CFAP263: variants seen among roughly 807,000 people sequenced by gnomAD.
The protein encoded by CFAP263 is cilia- and flagella-associated protein 263.
chr16:58,282,346 G>T, the CFAP263 span: 1 of 152,294 alleles, frequency 6.6e-6, no homozygotes, highest in South Asian at 2.1e-4. Context: ...TCACGATGTT[G>T]GCCAGGCTGG....
chr16:58,267,404 CAA>C, the CFAP263 span: 8 of 1,010,468 alleles, frequency 7.9e-6, no homozygotes, highest in Non-Finnish European at 1.2e-5. Context: ...TGTTCGTTAA[CAA>C]AGAGATGTCT....
At chr16:58,256,642 A>G in the CFAP263 span, among the ~76,000 whole-genome samples, 9 of 152,292 alleles carry the variant, frequency 5.9e-5, no homozygotes, top group South Asian at 1.7e-3. Flanking sequence ...CCCACTGAGG[A>G]TACTTGAGTA....
chr16:58,250,781 A>AT, the CFAP263 span, among the ~76,000 whole-genome samples: 3 of 151,488 alleles, frequency 2.0e-5, no homozygotes, highest in East Asian at 5.8e-4. Context: ...AAAAAAAAAA[A>AT]AAATTATATG....
chr16:58,273,133 A>G, the CFAP263 span, among the ~76,000 whole-genome samples: 1 of 151,916 alleles, frequency 6.6e-6, no homozygotes. Flanking sequence ...GCCATTTAAC[A>G]TTTTGAATAT....
At chr16:58,250,385 C>G in the CFAP263 span, 1 of 386,064 alleles carries the variant, frequency 2.6e-6, no homozygotes, top group Non-Finnish European at 4.7e-6. Context: ...GAGTCTCTCT[C>G]ATGCCAGACG....
chr16:58,262,389 A>G, the CFAP263 span: 1 of 1,607,830 alleles, frequency 6.2e-7, no homozygotes, highest in Non-Finnish European at 8.5e-7. Context: ...CTGTAGAAGG[A>G]AGAGGTGAGT....
the CFAP263 span, among the ~76,000 whole-genome samples, chr16:58,253,146 G>A: frequency 1.8e-4 from 27 of 152,318 alleles, no homozygotes; most frequent in East Asian, 2.3e-3. Context: ...GGGAGGCTAA[G>A]GTGGGAGGAT....
At chr16:58,262,355 C>T in the CFAP263 span, 1 of 1,581,706 alleles carries the variant, frequency 6.3e-7, no homozygotes, top group Non-Finnish European at 8.6e-7. Flanking sequence ...ACTGACGTAT[C>T]ATCTTTTCTT....
the CFAP263 span, among the ~76,000 whole-genome samples, chr16:58,260,321 G>A: frequency 7.0e-4 from 106 of 152,264 alleles, no homozygotes; most frequent in African/African-American, 2.4e-3. Flanking sequence ...TAGAGCCTTG[G>A]GAAGAAATGC....
At chr16:58,261,574 GAGCTAA>G in the CFAP263 span, among the ~76,000 whole-genome samples, 7 of 152,226 alleles carry the variant, frequency 4.6e-5, no homozygotes, top group East Asian at 1.3e-3. Flanking sequence ...AAGGACCACA[GAGCTAA>G]AGCTTCCAGG....
the CFAP263 span, chr16:58,262,366 T>C: frequency 3.2e-6 from 5 of 1,586,452 alleles, no homozygotes; most frequent in Non-Finnish European, 4.3e-6. Context: ...ATCTTTTCTT[T>C]CATCTTTCTG....
chr16:58,257,014 C>CTTTTTTTTTTTTTTTTTT, the CFAP263 span, among the ~76,000 whole-genome samples: 15 of 41,920 alleles, frequency 3.6e-4, 5 homozygotes, highest in African/African-American at 4.8e-4. Flanking sequence ...ATATGAATTT[C>CTTTTTTTTTTTTTTTTTT]TTTTTTTTTT....
At chr16:58,266,037 CT>C in the CFAP263 span, among the ~76,000 whole-genome samples, 1 of 152,194 alleles carries the variant, frequency 6.6e-6, no homozygotes, top group African/African-American at 2.4e-5. Flanking sequence ...GTCTCATTCA[CT>C]TTTGCTTTCC....
At chr16:58,280,120 G>T in the CFAP263 span, 1 of 1,179,302 alleles carries the variant, frequency 8.5e-7, no homozygotes. Flanking sequence ...ATCCGTGGCA[G>T]CCCCAGTGTG....
At chr16:58,266,575 T>C in the CFAP263 span, among the ~76,000 whole-genome samples, 4 of 151,940 alleles carry the variant, frequency 2.6e-5, no homozygotes, top group Admixed American at 6.6e-5. Flanking sequence ...CAGAGCCTAG[T>C]TTGCTTCACT....
At chr16:58,271,917 C>T in the CFAP263 span, among the ~76,000 whole-genome samples, 1 of 152,156 alleles carries the variant, frequency 6.6e-6, no homozygotes, top group South Asian at 2.1e-4. Flanking sequence ...ATTTATGCTC[C>T]ACATAATTTA....
chr16:58,261,627 A>G, the CFAP263 span, among the ~76,000 whole-genome samples: 1 of 152,210 alleles, frequency 6.6e-6, no homozygotes, highest in Non-Finnish European at 1.5e-5. Flanking sequence ...CTGGTGTGGA[A>G]AACAGGTTGG....
the CFAP263 span, chr16:58,259,894 T>C: frequency 6.2e-7 from 1 of 1,605,508 alleles, no homozygotes; most frequent in Non-Finnish European, 8.5e-7. Flanking sequence ...AATGTTTCTC[T>C]CAAAGTTCAG....
the CFAP263 span, chr16:58,258,338 G>A: frequency 1.3e-5 from 21 of 1,606,778 alleles, no homozygotes; most frequent in South Asian, 1.3e-4. Context: ...TGCTGGAAAC[G>A]TTCTTCTCTC....
Sources: allele counts gnomAD v4.1 joint callset (sites outside exome capture counted in the v4.1 genomes callset), GRCh38; gene constraint gnomAD v4.1.1; transcripts MANE v1.5; gene names NCBI Gene and HGNC (gene_info 2026-07-23, HGNC 2026-07-21).